TENM4: variants seen among roughly 807,000 people sequenced by gnomAD.
TENM4 encodes teneurin-4.
A neutral mutation model predicts 243.3 loss-of-function variants in TENM4; 82 were observed. That is an observed-to-expected ratio of 0.34 (90% CI 0.28 to 0.40). The LOEUF is 0.40. TENM4 is among the 10% of genes least tolerant of loss of function. The probability of loss-of-function intolerance (pLI) is 1.00; values close to 1 mark genes in which losing one functional copy is unlikely to be tolerated. For missense variants in TENM4, 3,138 were observed against 3,673.3 expected (o/e 0.85, Z 3.77); for synonymous variants, 1,412 against 1,456.3 (o/e 0.97, Z 0.69).
intron 10 of TENM4, among the ~76,000 whole-genome samples, chr11:78,859,491 G>T (rs898769311): frequency 3.3e-5 from 5 of 152,200 alleles, no homozygotes; most frequent in African/African-American, 7.2e-5. Flanking sequence ...GTCTATAAAA[G>T]AAATTTCTTA....
In TENM4 at chr11:78,670,192, G is replaced by C. The variant is rs769225940; in HGVS notation, c.6153C>G (p.Phe2051Leu). The C allele has an allele frequency of 3.7e-6, 6 of 1,613,852 alleles. No individual in the cohort carries two copies. The highest frequency in any genetic ancestry group is 2.7e-5 in the African/African-American group (2 of 74,916). ...TCTGACGGTAGCGGATGGTGCAGGTGAAGCCCTCATTCTGTAGGTTGATGG... is the reference window on the plus strand; with the variant it reads ...TCTGACGGTAGCGGATGGTGCAGGTCAAGCCCTCATTCTGTAGGTTGATGG... ...LKTINLQNEG[F>L]TCTIRYRQIG... is the part of the protein sequence containing the mutation. The change falls in exon 32 of 34, where the codon TTC becomes TTG. Residue 2051 changes from phenylalanine (F) to leucine (L), a missense_variant. Phe to Leu is a conservative substitution (Grantham distance 22). Transcript: ENST00000278550.
intron 6 of TENM4, among the ~76,000 whole-genome samples, chr11:78,992,235 C>T (rs931724950): frequency 3.3e-5 from 5 of 152,206 alleles, no homozygotes; most frequent in Admixed American, 6.5e-5. Context: ...GCTTCTCTCA[C>T]TGTGTCCTCT....
At chr11:79,409,111 C>CAT (rs1858641586) in intron 1 of TENM4, among the ~76,000 whole-genome samples, 3 of 128,418 alleles carry the variant, frequency 2.3e-5, no homozygotes, top group Admixed American at 2.3e-4. Context: ...TGCGCGCGCG[C>CAT]GCGTGCGTGC....
chr11:79,050,732 G>A (rs1272491951), intron 6 of TENM4, among the ~76,000 whole-genome samples: 2 of 152,236 alleles, frequency 1.3e-5, no homozygotes, highest in Non-Finnish European at 2.9e-5. Flanking sequence ...TTAGAAGCCA[G>A]GCTGCTGAGC....
intron 2 of TENM4, among the ~76,000 whole-genome samples, chr11:79,268,697 C>T (rs1042840836): frequency 5.9e-5 from 9 of 152,206 alleles, no homozygotes; most frequent in Admixed American, 2.6e-4. Flanking sequence ...CAAAACAACA[C>T]TCTGCCTTCT....
intron 18 of TENM4, among the ~76,000 whole-genome samples, chr11:78,762,090 C>A (rs1856442362): frequency 6.6e-6 from 1 of 152,100 alleles, no homozygotes; most frequent in Non-Finnish European, 1.5e-5. Context: ...ACCTAGTTGG[C>A]CATTTTGCTG....
chr11:78,941,145 TC>T (rs945673068), intron 6 of TENM4, among the ~76,000 whole-genome samples: 15 of 152,172 alleles, frequency 9.9e-5, no homozygotes, highest in African/African-American at 3.6e-4. Flanking sequence ...TAGCACCGGA[TC>T]CCCGTGGGCT....
chr11:79,317,037 T>A (rs1856814154), intron 1 of TENM4, among the ~76,000 whole-genome samples: 1 of 152,240 alleles, frequency 6.6e-6, no homozygotes. Context: ...CTGTCCTACA[T>A]TTGATTCTGC....
intron 6 of TENM4, among the ~76,000 whole-genome samples, chr11:78,944,912 G>A (rs1406672289): frequency 6.6e-6 from 1 of 152,168 alleles, no homozygotes; most frequent in Non-Finnish European, 1.5e-5. Context: ...ATTGAGGTCT[G>A]TCTGACTTCA....
chr11:79,136,871 A>T (rs4944224), intron 4 of TENM4, among the ~76,000 whole-genome samples: 32,702 of 152,086 alleles, frequency 0.22, 3,727 homozygotes, highest in African/African-American at 0.28. Context: ...AGCTGGATTG[A>T]TAGAATGGTG....
Position 78,923,736 on chromosome 11 carries a change from C to T in TENM4, c.494-20213G>A, listed in dbSNP as rs1385708488. Among the ~76,000 whole-genome samples the T allele has an allele frequency of 3.6e-5, 4 of 111,152 alleles. No homozygotes were observed. In the Admixed American group the frequency reaches 5.0e-4, roughly 14 times the overall value. 72.9% of individuals were successfully genotyped at this position (111,152 alleles called of 152,430 possible). ...TTTTTTTAAAGTAGAGATGGGGTTT[C>T]ACCATGTTGGCCAGGCTGGTCTCAA... On this transcript the variant is annotated intron_variant, in intron 6 of 33. Coordinates refer to ENST00000278550, the MANE Select transcript of TENM4 (RefSeq NM_001098816.3).
At chr11:79,432,337 T>C (rs891168148) in intron 1 of TENM4, among the ~76,000 whole-genome samples, 2 of 152,212 alleles carry the variant, frequency 1.3e-5, no homozygotes, top group Non-Finnish European at 2.9e-5. Context: ...AGCTAATTAA[T>C]GTTTGCAAAG....
Position 78,778,758 on chromosome 11 carries a change from G to A in TENM4, c.2366-130C>T. On this transcript the variant is annotated intron_variant, in intron 16 of 33. Transcript: ENST00000278550. ...ACGTTTGGGACAGGCCTATGCCATG[G>A]TGGGGAAAATAAAACCAAAGACAGG... The A allele has an allele frequency of 2.7e-6, 2 of 732,242 alleles. No individual in the cohort carries two copies. The highest frequency in any genetic ancestry group is 5.5e-5 in the East Asian group (2 of 36,338). 45.4% of individuals were successfully genotyped at this position (732,242 alleles called of 1,614,324 possible). A position where few individuals can be genotyped will look rare whatever the true frequency, so the allele number is the denominator to read the frequency against.
At chr11:78,776,752 G>T (rs1456535283) in intron 17 of TENM4, among the ~76,000 whole-genome samples, 2 of 152,134 alleles carry the variant, frequency 1.3e-5, no homozygotes, top group East Asian at 1.9e-4. Flanking sequence ...CTAAAGTTCT[G>T]GTGATGATAT....
chr11:79,164,343 C>CTGTATATATAG (rs1862853124), intron 3 of TENM4, among the ~76,000 whole-genome samples: 1 of 105,592 alleles, frequency 9.5e-6, no homozygotes, highest in South Asian at 2.7e-4. Context: ...TATAGATATA[C>CTGTATATATAG]TATATAGATA....
At chr11:79,126,983 A>C (rs1409743797) in intron 4 of TENM4, among the ~76,000 whole-genome samples, 2 of 152,208 alleles carry the variant, frequency 1.3e-5, no homozygotes, top group Non-Finnish European at 1.5e-5. Context: ...CCTCCAGTTA[A>C]AGTAGGCGCT....
intron 6 of TENM4, among the ~76,000 whole-genome samples, chr11:79,060,780 A>T (rs1860065759): frequency 6.6e-6 from 1 of 152,210 alleles, no homozygotes. Context: ...CTGAGTTGCC[A>T]GGGAGATTAA....
intron 9 of TENM4, among the ~76,000 whole-genome samples, chr11:78,884,373 G>C (rs1015083069): frequency 1.6e-4 from 24 of 152,342 alleles, no homozygotes; most frequent in African/African-American, 5.5e-4. Flanking sequence ...GAGAGGTTAA[G>C]CAAACTGCCC....
chr11:79,198,496 C>T lies in TENM4; in HGVS notation c.-163+17312G>A, dbSNP rs963332985. On this transcript the variant is annotated intron_variant, in intron 3 of 33. Coordinates refer to ENST00000278550, the MANE Select transcript of TENM4 (RefSeq NM_001098816.3). ...TCCTTCCCCCTCCTTCCACCACTCT[C>T]TCCTTCACAGTCTTTATTTCCTCCC... 5.9e-5 allele frequency among the ~76,000 whole-genome samples: 9 copies of T among 152,328 alleles called. No homozygotes were observed. The Middle Eastern group carries it at 0.01, about 173-fold the overall frequency.
Sources: allele counts gnomAD v4.1 joint callset (sites outside exome capture counted in the v4.1 genomes callset), GRCh38; gene constraint gnomAD v4.1.1; transcripts MANE v1.5; gene names NCBI Gene and HGNC (gene_info 2026-07-23, HGNC 2026-07-21).